ARHGEF7: variants seen among roughly 807,000 people sequenced by gnomAD.
ARHGEF7 encodes Rho guanine nucleotide exchange factor 7, also known as PAK-interacting exchange factor beta.
A neutral mutation model predicts 109.8 loss-of-function variants in ARHGEF7; 33 were observed. That is an observed-to-expected ratio of 0.30 (90% CI 0.23 to 0.40). ARHGEF7 has a LOEUF of 0.40. Ranked by LOEUF, ARHGEF7 falls within the 10% of genes least tolerant of loss-of-function variation. The pLI, the probability that ARHGEF7 is intolerant of heterozygous loss-of-function variation, is 1.00. For synonymous variants in ARHGEF7, 458 were observed against 424.6 expected (o/e 1.08, Z -0.97); for missense variants, 938 against 1,098.5 (o/e 0.85, Z 2.07).
intron 1 of ARHGEF7, among the ~76,000 whole-genome samples, chr13:111,128,817 T>A (rs1354776099): frequency 1.3e-5 from 2 of 152,208 alleles, no homozygotes; most frequent in Admixed American, 1.3e-4. Context: ...TTCATATTGA[T>A]CTATAGATTC....
intron 13 of ARHGEF7, among the ~76,000 whole-genome samples, chr13:111,279,159 T>C (rs2092650131): frequency 6.6e-6 from 1 of 152,240 alleles, no homozygotes; most frequent in Admixed American, 6.5e-5. Flanking sequence ...AAAGTACTTA[T>C]ATGCATTACG....
intron 5 of ARHGEF7, among the ~76,000 whole-genome samples, chr13:111,226,226 A>T (rs2085192029): frequency 6.6e-6 from 1 of 152,238 alleles, no homozygotes; most frequent in Admixed American, 6.5e-5. Flanking sequence ...AAGAGTTTGA[A>T]GCTAATGGAG....
At position 111,303,293 on chromosome 13, in the gene ARHGEF7, G is replaced by T. The variant is rs773166317; in HGVS notation, c.*180G>T. The T allele has an allele frequency of 1.8e-6, 1 of 550,124 alleles. No homozygotes were observed. The highest frequency in any genetic ancestry group is 3.1e-6 in the Non-Finnish European group (1 of 323,142). The allele number at this position is 550,124 out of a possible 1,614,324, so 34.1% of individuals were successfully genotyped here. A position where few individuals can be genotyped will look rare whatever the true frequency, so the allele number is the denominator to read the frequency against. ...TGGAGACGATCAAACCATGACTGAT[G>T]AATCCAGACAGGAGGGATTGACTCT... On this transcript the variant is annotated 3_prime_UTR_variant, in exon 22 of 22. Coordinates refer to ENST00000646102, the MANE Select transcript of ARHGEF7 (RefSeq NM_001354046.2).
intron 18 of ARHGEF7, 38 bp from the exon 19 acceptor site, chr13:111,292,080 C>A (rs2093306378): frequency 1.3e-6 from 2 of 1,585,910 alleles, no homozygotes; most frequent in African/African-American, 1.3e-5. Context: ...TCCTCACCCC[C>A]TGCCTGTCGC....
intron 19 of ARHGEF7, among the ~76,000 whole-genome samples, chr13:111,299,376 T>C (rs1482760422): frequency 1.5e-5 from 2 of 133,520 alleles, no homozygotes; most frequent in African/African-American, 5.5e-5. Flanking sequence ...GGAGTCTCGC[T>C]CTGTCGCCCA....
chr13:111,243,911 A>G lies in ARHGEF7; in HGVS notation c.799A>G (p.Lys267Glu). ...NILETENEYS[K>E]ELQTVLSTYL... ...TTTAGAAACAGAAAATGAATATTCT[A>G]AAGAACTTCAGACTGTGCTTTCAAC... is the stretch of plus-strand genomic sequence containing the variant. Residue 267 changes from lysine (K) to glutamate (E), a missense_variant, in exon 7 of 22, where the codon AAA (lysine) becomes GAA (glutamate). Lys to Glu is a moderately conservative substitution (Grantham distance 56, BLOSUM62 1). Around this residue, in one of 4 missense-constraint regions of ARHGEF7, gnomAD observed 585 missense variants for 723.6 expected, o/e 0.81. Transcript: ENST00000646102. 1 of 1,612,804 alleles carries G rather than the reference A, an allele frequency of 6.2e-7. No homozygotes were observed. Among genetic ancestry groups the G allele is most frequent in the Non-Finnish European group, 8.5e-7 (1 of 1,179,114 alleles).
rs1567077678 is a variant in ARHGEF7, at chr13:111,283,511, G to A, written c.1950+148G>A. On this transcript the variant is annotated intron_variant, in intron 16 of 21. Coordinates refer to ENST00000646102, the MANE Select transcript of ARHGEF7 (RefSeq NM_001354046.2). ...AGGGGGGGTCTGCCTTGGTTCTCTG[G>A]TTATCTGCTCTGCTGCTGAGAGGCC... is the stretch of plus-strand genomic sequence containing the variant. 7 of 1,336,836 alleles carry A rather than the reference G, an allele frequency of 5.2e-6. No individual in the cohort carries two copies. In the East Asian group the frequency reaches 1.8e-4, roughly 34 times the overall value. 82.8% of individuals were successfully genotyped at this position (1,336,836 alleles called of 1,614,324 possible). A position where few individuals can be genotyped will look rare whatever the true frequency, so the allele number is the denominator to read the frequency against.
At position 111,217,791 on chromosome 13, in the gene ARHGEF7, G is replaced by T. The variant is rs764919975; in HGVS notation, c.581G>T (p.Arg194Leu). 1 of 1,614,190 alleles carries T rather than the reference G, an allele frequency of 6.2e-7. No individual in the cohort carries two copies. Among genetic ancestry groups the T allele is most frequent in the Non-Finnish European group, 8.5e-7 (1 of 1,180,016 alleles). ...FSKGDVIHVT[R>L]VEEGGWWEGT... is the part of the protein sequence containing the mutation. Reference sequence around the variant, plus strand: ...AAAGGAGACGTCATCCATGTCACCCGTGTGGAAGAGGGAGGCTGGTGGGAG... The same window carrying T: ...AAAGGAGACGTCATCCATGTCACCCTTGTGGAAGAGGGAGGCTGGTGGGAG... The change falls in exon 5 of 22, where the codon CGT becomes CTT. Residue 194 changes from arginine (R) to leucine (L), a missense_variant. Arg to Leu is a moderately radical substitution (Grantham distance 102). Coordinates refer to ENST00000646102, the MANE Select transcript of ARHGEF7 (RefSeq NM_001354046.2).
intron 3 of ARHGEF7, among the ~76,000 whole-genome samples, chr13:111,206,960 T>TAAAAAAAA (rs35814705): frequency 1.9e-4 from 10 of 53,618 alleles, no homozygotes; most frequent in Non-Finnish European, 2.6e-4. Flanking sequence ...AGACTCCATC[T>TAAAAAAAA]AAAAAAAAAA....
At position 111,258,843 on chromosome 13, in the gene ARHGEF7, C is replaced by G. The variant is rs1323585950; in HGVS notation, c.951-8705C>G. Reference sequence around the variant, plus strand: ...GGACCTGCTGTGGGCTAGAAGGCAGCCCACTGCTCTGAAAGGAGAGTCTCA... The same window carrying G: ...GGACCTGCTGTGGGCTAGAAGGCAGGCCACTGCTCTGAAAGGAGAGTCTCA... On this transcript the variant is annotated intron_variant, in intron 8 of 21. Coordinates refer to ENST00000646102, the MANE Select transcript of ARHGEF7 (RefSeq NM_001354046.2). The surrounding 1 kb of genome is among the most constrained non-coding windows in gnomAD (Gnocchi z 4.4). Among the ~76,000 whole-genome samples, 4 of 152,144 alleles carry G rather than the reference C, an allele frequency of 2.6e-5. No individual in the cohort carries two copies. The highest frequency in any genetic ancestry group is 9.7e-5 in the African/African-American group (4 of 41,430).
At chr13:111,154,602 C>T (rs1309452182) in intron 2 of ARHGEF7, among the ~76,000 whole-genome samples, 1 of 152,190 alleles carries the variant, frequency 6.6e-6, no homozygotes, top group African/African-American at 2.4e-5. Context: ...AACATGCTGT[C>T]GGGGAACATA....
intron 4 of ARHGEF7, among the ~76,000 whole-genome samples, chr13:111,211,114 G>C (rs1173273606): frequency 1.3e-5 from 2 of 152,194 alleles, no homozygotes; most frequent in Non-Finnish European, 2.9e-5. Context: ...CTTCAGGCGT[G>C]GTGGGCGGTG....
At chr13:111,167,765 CG>C (rs1168030526) in intron 2 of ARHGEF7, among the ~76,000 whole-genome samples, 1 of 152,254 alleles carries the variant, frequency 6.6e-6, no homozygotes, top group Non-Finnish European at 1.5e-5. Context: ...GAGGCACACA[CG>C]GACTCTTTTT....
In ARHGEF7 at chr13:111,266,034, C is replaced by T. The variant is rs935747093; in HGVS notation, c.951-1514C>T. Among the ~76,000 whole-genome samples the T allele has an allele frequency of 6.6e-6, 1 of 152,190 alleles. No individual in the cohort carries two copies. Among genetic ancestry groups the T allele is most frequent in the Admixed American group, 6.5e-5 (1 of 15,282 alleles). ...GGACCTTAGACCCAGGCTCCAGCCA[C>T]CTTTGTGTTGGATGCTGACGTCTTT... On this transcript the variant is annotated intron_variant, in intron 8 of 21. Coordinates refer to ENST00000646102, the MANE Select transcript of ARHGEF7 (RefSeq NM_001354046.2). This position sits in a 1 kb window ranked among gnomAD's most constrained non-coding sequence, Gnocchi z 4.8.
At chr13:111,149,446 C>T (rs1399986854) in intron 1 of ARHGEF7, among the ~76,000 whole-genome samples, 1 of 152,122 alleles carries the variant, frequency 6.6e-6, no homozygotes, top group African/African-American at 2.4e-5. Context: ...AGTCAATTAT[C>T]ATTATTTGTG....
chr13:111,186,809 T>G (rs1347293439), intron 2 of ARHGEF7: 1 of 985,252 alleles, frequency 1.0e-6, no homozygotes, highest in African/African-American at 1.7e-5. Flanking sequence ...GCCCAGAAAG[T>G]GTGCGCTCAG....
intron 6 of ARHGEF7, among the ~76,000 whole-genome samples, chr13:111,240,021 G>T (rs1033298737): frequency 6.6e-6 from 1 of 152,170 alleles, no homozygotes; most frequent in Admixed American, 6.5e-5. Context: ...CCAATGACTG[G>T]CACTCTTGAG....
chr13:111,130,565 G>T (rs1453382251), intron 1 of ARHGEF7, among the ~76,000 whole-genome samples: 6 of 152,176 alleles, frequency 3.9e-5, no homozygotes, highest in Non-Finnish European at 7.4e-5. Flanking sequence ...TGATTTATTT[G>T]TTTATTTTCT....
chr13:111,280,615 C>G lies in ARHGEF7; in HGVS notation c.1663C>G (p.Gln555Glu). 6.2e-7 allele frequency: 1 copy of G among 1,612,672 alleles called. No homozygotes were observed. Among genetic ancestry groups the G allele is most frequent in the Non-Finnish European group, 8.5e-7 (1 of 1,179,516 alleles). The part of the protein sequence containing the change: ...LQEWVEHLQK[Q>E]TKVTSVGNPT... ...GGAATGGGTGGAGCACCTACAGAAGCAAACGAAGGTCACGTCTGTGGGAAA... is the reference window on the plus strand; with the variant it reads ...GGAATGGGTGGAGCACCTACAGAAGGAAACGAAGGTCACGTCTGTGGGAAA... Residue 555 changes from glutamine (Q) to glutamate (E), a missense_variant, in exon 15 of 22, where the codon CAA (glutamine) becomes GAA (glutamate). Around this residue, in one of 4 missense-constraint regions of ARHGEF7, gnomAD observed 585 missense variants for 723.6 expected, o/e 0.81. Transcript: ENST00000646102.
Sources: allele counts gnomAD v4.1 joint callset (sites outside exome capture counted in the v4.1 genomes callset), GRCh38; gene constraint gnomAD v4.1.1; regional missense constraint gnomAD v4.1.1; non-coding constraint Gnocchi (gnomAD v3.1); transcripts MANE v1.5; gene names NCBI Gene and HGNC (gene_info 2026-07-23, HGNC 2026-07-21).